HPGD: variants seen among roughly 807,000 people sequenced by gnomAD.
HPGD encodes the protein 15-hydroxyprostaglandin dehydrogenase [NAD(+)].
A neutral mutation model predicts 30.0 loss-of-function variants in HPGD; 29 were observed. The ratio of observed to expected loss-of-function variants is 0.97; its 90% CI spans 0.72 to 1.32. The LOEUF is 1.32. Ranked by LOEUF, HPGD falls within the 40% of genes most tolerant of loss-of-function variation. The pLI is 0.00. For synonymous variants in HPGD, 99 were observed against 112.4 expected, an observed-to-expected ratio of 0.88 and a Z score of 0.75; for missense variants, 340 against 322.1, an observed-to-expected ratio of 1.06 and a Z score of -0.43.
At position 174,490,214 on chromosome 4, in the gene HPGD, A is replaced by G. The variant is rs543949507; in HGVS notation, c.*1742T>C. ...CTTCAGTTTAATTATTTTCTCAATC[A>G]GTATACACCAGAGATGCCATATAAC... On this transcript the variant is annotated 3_prime_UTR_variant, in exon 7 of 7. Coordinates refer to ENST00000296522, the MANE Select transcript of HPGD (RefSeq NM_000860.6). This position sits in a 1 kb window ranked among gnomAD's most constrained non-coding sequence, Gnocchi z 4.4. 1.3e-5 allele frequency: 2 copies of G among 152,472 alleles called. No individual in the cohort carries two copies. Among genetic ancestry groups the G allele is most frequent in the East Asian group, 3.8e-4 (2 of 5,328 alleles). 9.4% of individuals were successfully genotyped at this position (152,472 alleles called of 1,614,324 possible). A position where few individuals can be genotyped will look rare whatever the true frequency, so the allele number is the denominator to read the frequency against.
intron 4 of HPGD, among the ~76,000 whole-genome samples, chr4:174,505,307 G>C (rs1317481686): frequency 6.6e-6 from 1 of 152,058 alleles, no homozygotes; most frequent in African/African-American, 2.4e-5. Flanking sequence ...GTTGAATACT[G>C]AATATTACCC....
At chr4:174,512,187 A>C (rs2612659) in intron 3 of HPGD, among the ~76,000 whole-genome samples, 47,647 of 152,030 alleles carry the variant, frequency 0.31, 8,317 homozygotes, top group African/African-American at 0.44. Flanking sequence ...GTACTGAGAC[A>C]TAGAAGTGAA....
intron 3 of HPGD, among the ~76,000 whole-genome samples, chr4:174,516,935 A>G (rs1735806348): frequency 6.6e-6 from 1 of 152,164 alleles, no homozygotes; most frequent in Non-Finnish European, 1.5e-5. Flanking sequence ...AACACAACCC[A>G]GTTCTTGTTT....
intron 2 of HPGD, among the ~76,000 whole-genome samples, chr4:174,519,309 G>T (rs1735957463): frequency 6.6e-6 from 1 of 151,666 alleles, no homozygotes; most frequent in African/African-American, 2.4e-5. Context: ...CACCTCCCGG[G>T]TTCACGCCAT....
At position 174,508,745 on chromosome 4, in the gene HPGD, C is replaced by A; in HGVS notation, c.372G>T (p.Lys124Asn). The change falls in exon 4 of 7, where the codon AAG becomes AAT. Residue 124 changes from lysine to asparagine, a missense_variant. Transcript: ENST00000296522. ...GTYLGLDYMSKQNGGEGGIII... is the reference protein window; with the variant it reads ...GTYLGLDYMSNQNGGEGGIII... ...TGATGCCGCCTTCACCTCCATTTTG[C>A]TTACTCATGTAATCCAAACCAAGAT... 2 of 1,611,426 alleles carry A rather than the reference C, an allele frequency of 1.2e-6. No individual in the cohort carries two copies. Among genetic ancestry groups the A allele is most frequent in the Non-Finnish European group, 1.7e-6 (2 of 1,177,842 alleles).
At chr4:174,513,054 G>A (rs1735590566) in intron 3 of HPGD, among the ~76,000 whole-genome samples, 1 of 152,136 alleles carries the variant, frequency 6.6e-6, no homozygotes, top group Non-Finnish European at 1.5e-5. Context: ...TACGTTAGCT[G>A]TAATCATTGC....
At chr4:174,501,155 GA>G (rs888645277) in intron 4 of HPGD, among the ~76,000 whole-genome samples, 1 of 152,152 alleles carries the variant, frequency 6.6e-6, no homozygotes, top group Non-Finnish European at 1.5e-5. Context: ...AAACCAATGG[GA>G]GGACCCCTGT....
chr4:174,511,185 G>C (rs1319968577), intron 3 of HPGD, among the ~76,000 whole-genome samples: 1 of 150,276 alleles, frequency 6.7e-6, no homozygotes, highest in Admixed American at 6.7e-5. Flanking sequence ...TATTTCCCAG[G>C]GCAAATCTTT....
rs565592777 is a variant in HPGD, at chr4:174,500,817, T to C, written c.422-5193A>G. 5.3e-5 allele frequency among the ~76,000 whole-genome samples: 8 copies of C among 152,316 alleles called. No individual in the cohort carries two copies. In the East Asian group the frequency reaches 1.4e-3, roughly 26 times the overall value. Reference sequence around the variant, plus strand: ...GTTTGATATTATAGTGGTAGATATATGTTATTATACCTTTGTTCAAGCCTA... The same window carrying C: ...GTTTGATATTATAGTGGTAGATATACGTTATTATACCTTTGTTCAAGCCTA... On this transcript the variant is annotated intron_variant, in intron 4 of 6. Transcript: ENST00000296522.
At chr4:174,506,754 A>C (rs1340609790) in intron 4 of HPGD, 1 of 152,244 alleles carries the variant, frequency 6.6e-6, no homozygotes, top group Non-Finnish European at 1.5e-5. Flanking sequence ...TCTACATTGC[A>C]TTTCTTTATT....
intron 4 of HPGD, chr4:174,507,579 T>C (rs17060573): frequency 0.29 from 43,834 of 152,086 alleles, 6,545 homozygotes; most frequent in Non-Finnish European, 0.31. Context: ...TATTCTGAAA[T>C]CACCACATTA....
At chr4:174,499,351 C>A (rs759197677) in intron 4 of HPGD, among the ~76,000 whole-genome samples, 2 of 152,122 alleles carry the variant, frequency 1.3e-5, no homozygotes, top group Admixed American at 6.5e-5. Context: ...TGTTGTGTAA[C>A]AGAAATTACG....
At chr4:174,522,530 C>T, upstream of HPGD, 1 of 1,101,026 alleles carries the variant, frequency 9.1e-7, no homozygotes, top group African/African-American at 1.7e-5. Context: ...CCCCTGCGCG[C>T]GCGCGCGTGC....
At chr4:174,512,218 A>G (rs1735543035) in intron 3 of HPGD, among the ~76,000 whole-genome samples, 1 of 152,224 alleles carries the variant, frequency 6.6e-6, no homozygotes, top group African/African-American at 2.4e-5. Context: ...TATGCAAAAT[A>G]TCATATACAG....
In HPGD at chr4:174,490,176, C is replaced by A. The variant is rs1346823197; in HGVS notation, c.*1780G>T. The stretch of plus-strand genomic sequence containing the variant: ...ACTGAAAAATACAAGAAACCAAGGT[C>A]CCCCTCCCCTAACTTCAGTTTAATT... On this transcript the variant is annotated 3_prime_UTR_variant, in exon 7 of 7. Transcript: ENST00000296522. The surrounding 1 kb of genome is among the most constrained non-coding windows in gnomAD (Gnocchi z 4.4). 1.3e-5 allele frequency: 2 copies of A among 152,192 alleles called. No homozygotes were observed. The highest frequency in any genetic ancestry group is 2.9e-5 in the Non-Finnish European group (2 of 68,008). 9.4% of individuals were successfully genotyped at this position (152,192 alleles called of 1,614,324 possible).
rs1294165884 is a variant in HPGD at position 174,499,206 on chromosome 4, TG to T, written c.422-3583del. ...CTGGAGACACAATTTACAAGGTAGT[TG>T]GTGTAAACTGTGCCGCTTATGTTCC... On this transcript the variant is annotated intron_variant, in intron 4 of 6. Transcript: ENST00000296522. 2.6e-5 allele frequency among the ~76,000 whole-genome samples: 4 copies of T among 152,248 alleles called. No individual in the cohort carries two copies. In the South Asian group the frequency reaches 6.2e-4, roughly 24 times the overall value.
At chr4:174,501,705 T>C (rs45482095) in intron 4 of HPGD, among the ~76,000 whole-genome samples, 7,993 of 152,124 alleles carry the variant, frequency 0.053, 309 homozygotes, top group Middle Eastern at 0.088. Flanking sequence ...CGAAATAATA[T>C]ATATAGCACT....
intron 4 of HPGD, among the ~76,000 whole-genome samples, chr4:174,502,668 A>T (rs1734975978): frequency 1.0e-5 from 1 of 97,056 alleles, no homozygotes; most frequent in Non-Finnish European, 1.9e-5. Flanking sequence ...ACAGAGCGAG[A>T]CTCCGTCTCA....
chr4:174,510,779 G>A (rs959542293), intron 3 of HPGD, among the ~76,000 whole-genome samples: 1 of 152,030 alleles, frequency 6.6e-6, no homozygotes, highest in Non-Finnish European at 1.5e-5. Context: ...CTATAACAAC[G>A]TAGTCCTTAT....
Sources: gnomAD v4.1 joint callset for allele counts (sites outside exome capture counted in the v4.1 genomes callset) on GRCh38, gnomAD v4.1.1 for gene constraint, Gnocchi (gnomAD v3.1) non-coding constraint, MANE v1.5 for transcripts, NCBI Gene and HGNC (gene_info 2026-07-23, HGNC 2026-07-21) for gene names.